The following KCNAB1 variants were observed in gnomAD, a reference collection of about 807,000 sequenced individuals.
KCNAB1 encodes the protein potassium voltage-gated channel subfamily A regulatory beta subunit 1, also known as voltage-gated potassium channel subunit beta-1.
KCNAB1 carries 35 observed loss-of-function variants against 64.6 expected under a neutral mutation model. The ratio of observed to expected loss-of-function variants is 0.54; its 90% CI spans 0.41 to 0.72. The LOEUF (loss-of-function observed/expected upper bound fraction) is 0.72. KCNAB1 is among the 30% of genes least tolerant of loss of function. The probability of loss-of-function intolerance (pLI) is 0.00; values close to 1 mark genes in which losing one functional copy is unlikely to be tolerated. For missense variants in KCNAB1, 401 were observed against 512.9 expected (o/e 0.78, Z 2.11); for synonymous variants, 177 against 183.8 (o/e 0.96, Z 0.30).
rs914954059 is a variant in KCNAB1, at chr3:156,537,074, G to A, written c.*327G>A. ...TCAGGCATTTGGTAACTCAAAGAAGGCTGTACAGATATATTTTTTCAAAAG... is the reference window on the plus strand; with the variant it reads ...TCAGGCATTTGGTAACTCAAAGAAGACTGTACAGATATATTTTTTCAAAAG... On this transcript the variant is annotated 3_prime_UTR_variant, in exon 14 of 14. Coordinates refer to ENST00000490337, the MANE Select transcript of KCNAB1 (RefSeq NM_172160.3). The A allele has an allele frequency of 2.4e-6, 1 of 415,564 alleles. No homozygotes were observed. The highest frequency in any genetic ancestry group is 4.2e-6 in the Non-Finnish European group (1 of 236,490). 25.7% of individuals were successfully genotyped at this position (415,564 alleles called of 1,614,324 possible). A position where few individuals can be genotyped will look rare whatever the true frequency, so the allele number is the denominator to read the frequency against.
intron 8 of KCNAB1, among the ~76,000 whole-genome samples, chr3:156,483,251 T>C (rs1309335229): frequency 1.3e-5 from 2 of 152,126 alleles, no homozygotes; most frequent in African/African-American, 4.8e-5. Context: ...CAAGCCCACC[T>C]GGCCATGACC....
intron 1 of KCNAB1, among the ~76,000 whole-genome samples, chr3:156,189,044 C>T (rs1345320421): frequency 6.6e-6 from 1 of 152,196 alleles, no homozygotes; most frequent in Non-Finnish European, 1.5e-5. Flanking sequence ...CCTCCAACCA[C>T]AAGCCCGAGG....
At chr3:156,240,258 C>G (rs1717085056) in intron 1 of KCNAB1, among the ~76,000 whole-genome samples, 1 of 152,182 alleles carries the variant, frequency 6.6e-6, no homozygotes, top group Non-Finnish European at 1.5e-5. Context: ...CTTTGTCTTT[C>G]TCCTTTTTAA....
At chr3:156,153,867 C>G (rs1715560263) in intron 1 of KCNAB1, among the ~76,000 whole-genome samples, 1 of 152,146 alleles carries the variant, frequency 6.6e-6, no homozygotes. Context: ...CTCCAACTTG[C>G]CAACTGCTAT....
At chr3:156,443,779 C>CACACACACA (rs1210068297) in intron 2 of KCNAB1, among the ~76,000 whole-genome samples, 9 of 145,438 alleles carry the variant, frequency 6.2e-5, no homozygotes, top group African/African-American at 2.2e-4. Flanking sequence ...CACACACACA[C>CACACACACA]ACTATTCTTT....
intron 12 of KCNAB1, among the ~76,000 whole-genome samples, chr3:156,529,201 T>C (rs1718525643): frequency 2.0e-5 from 3 of 152,252 alleles, no homozygotes; most frequent in Non-Finnish European, 2.9e-5. Context: ...CGGAAAAACC[T>C]AGAAAACATA....
chr3:156,440,504 A>G (rs1015787102), intron 2 of KCNAB1, among the ~76,000 whole-genome samples: 1 of 152,240 alleles, frequency 6.6e-6, no homozygotes, highest in African/African-American at 2.4e-5. Flanking sequence ...ATGACTCTGT[A>G]GAATTTGGAC....
chr3:156,312,731 A>AAAAAAAAAAAAAC lies in KCNAB1; in HGVS notation c.276-108885_276-108884insAAAAAAAAAAAAC, dbSNP rs1722007557. Among the ~76,000 whole-genome samples, 136 of 144,604 alleles carry AAAAAAAAAAAAAC rather than the reference A, an allele frequency of 9.4e-4. 2 individuals carry two copies. The highest frequency in any genetic ancestry group is 3.4e-3 in the African/African-American group (125 of 37,160). 94.9% of individuals were successfully genotyped at this position (144,604 alleles called of 152,430 possible). A position where few individuals can be genotyped will look rare whatever the true frequency, so the allele number is the denominator to read the frequency against. Reference sequence around the variant, plus strand: ...AAAAAAAAAAAAAAAAAAAAAAAAAACTCATAATAATGAAATTAGTTCTAT... The same window carrying AAAAAAAAAAAAAC: ...AAAAAAAAAAAAAAAAAAAAAAAAAAAAAAAAAAAAAACCTCATAATAATGAAATTAGTTCTAT... On this transcript the variant is annotated intron_variant, in intron 1 of 13. Transcript: ENST00000490337.
intron 3 of KCNAB1, among the ~76,000 whole-genome samples, chr3:156,454,918 G>A (rs1264963171): frequency 6.6e-6 from 1 of 152,098 alleles, no homozygotes; most frequent in African/African-American, 2.4e-5. Flanking sequence ...TAGTGTGAAG[G>A]GCTGACCTCT....
chr3:156,463,475 A>T (rs1397467791), intron 5 of KCNAB1, among the ~76,000 whole-genome samples: 2 of 152,126 alleles, frequency 1.3e-5, no homozygotes. Flanking sequence ...CCAGGCAAAG[A>T]TCATTTCCAT....
At chr3:156,461,170 C>T (rs1446819572) in intron 5 of KCNAB1, among the ~76,000 whole-genome samples, 2 of 152,202 alleles carry the variant, frequency 1.3e-5, no homozygotes, top group Non-Finnish European at 2.9e-5. Flanking sequence ...TGTATCCATT[C>T]GCTATGGTTG....
chr3:156,167,902 T>A (rs1711703182), intron 1 of KCNAB1, among the ~76,000 whole-genome samples: 1 of 152,118 alleles, frequency 6.6e-6, no homozygotes, highest in Non-Finnish European at 1.5e-5. Context: ...CTATACTTTC[T>A]TATATGTTTG....
chr3:156,200,007 G>C (rs534638694), intron 1 of KCNAB1, among the ~76,000 whole-genome samples: 5 of 152,156 alleles, frequency 3.3e-5, no homozygotes, highest in Non-Finnish European at 7.4e-5. Flanking sequence ...GGGTTTTTGA[G>C]TGGGCATCAT....
intron 1 of KCNAB1, chr3:156,291,897 C>A: frequency 6.2e-7 from 1 of 1,613,984 alleles, no homozygotes; most frequent in African/African-American, 1.3e-5. Context: ...CGTGCGCTGC[C>A]TGGGGAAGCA....
At chr3:156,419,086 C>T (rs1485487508) in intron 1 of KCNAB1, among the ~76,000 whole-genome samples, 2 of 152,192 alleles carry the variant, frequency 1.3e-5, no homozygotes, top group African/African-American at 4.8e-5. Flanking sequence ...AAACCCATAA[C>T]AGAGTGATCA....
chr3:156,398,590 CA>C (rs767338912), intron 1 of KCNAB1, among the ~76,000 whole-genome samples: 256 of 76,828 alleles, frequency 3.3e-3, no homozygotes, highest in Middle Eastern at 0.014. Context: ...GACTCCGTCT[CA>C]AAAAAAAAAA....
chr3:156,273,637 C>G, intron 1 of KCNAB1: 1 of 456,182 alleles, frequency 2.2e-6, no homozygotes, highest in Non-Finnish European at 4.4e-6. Flanking sequence ...CTTTCCTACT[C>G]TCTTCACTGC....
At chr3:156,411,406 T>C (rs1714657422) in intron 1 of KCNAB1, among the ~76,000 whole-genome samples, 1 of 152,198 alleles carries the variant, frequency 6.6e-6, no homozygotes, top group South Asian at 2.1e-4. Flanking sequence ...ATCATCTTTT[T>C]TATGTCATAT....
intron 1 of KCNAB1, among the ~76,000 whole-genome samples, chr3:156,196,635 C>T (rs1423883731): frequency 6.6e-6 from 1 of 152,118 alleles, no homozygotes; most frequent in Non-Finnish European, 1.5e-5. Context: ...TATAGGAATG[C>T]TTGTGATTTT....
Sources: allele counts gnomAD v4.1 joint callset (sites outside exome capture counted in the v4.1 genomes callset), GRCh38; gene constraint gnomAD v4.1.1; transcripts MANE v1.5; gene names NCBI Gene and HGNC (gene_info 2026-07-23, HGNC 2026-07-21).